The following SOX10 variants were observed in gnomAD, a reference collection of about 807,000 sequenced individuals.
SOX10 encodes transcription factor SOX-10.
SOX10 carries 3 observed loss-of-function variants against 35.0 expected under a neutral mutation model. That is an observed-to-expected ratio of 0.09 (90% CI 0.04 to 0.22). The LOEUF (loss-of-function observed/expected upper bound fraction) is 0.22, where lower values mean the gene tolerates loss of function less well. SOX10 is among the 10% of genes least tolerant of loss of function. SOX10 has a pLI of 1.00. For synonymous variants in SOX10, 285 were observed against 291.0 expected (o/e 0.98, Z 0.21); for missense variants, 436 against 655.1 (o/e 0.67, Z 3.65).
intron 2 of SOX10, among the ~76,000 whole-genome samples, chr22:37,981,460 G>A (rs1039690668): frequency 6.6e-6 from 1 of 152,236 alleles, no homozygotes; most frequent in African/African-American, 2.4e-5. Context: ...TGTGCACACA[G>A]CTTGAGTGAT....
In SOX10 at chr22:37,974,224, A is replaced by C; in HGVS notation, c.698-26T>G. 1 of 1,570,510 alleles carries C rather than the reference A, an allele frequency of 6.4e-7. No homozygotes were observed. Among genetic ancestry groups the C allele is most frequent in the Non-Finnish European group, 8.7e-7 (1 of 1,156,044 alleles). ...CTGGGTAGAAGGGAGACAGAGAGAG[A>C]GAGCGCAAGGGGGAAGCAGGTTAGA... On this transcript the variant is annotated intron_variant, in intron 3 of 3. Coordinates refer to ENST00000396884, the MANE Select transcript of SOX10 (RefSeq NM_006941.4). This position sits in a 1 kb window ranked among gnomAD's most constrained non-coding sequence, Gnocchi z 5.4.
chr22:37,979,902 C>T (rs1932343053), intron 2 of SOX10, among the ~76,000 whole-genome samples: 1 of 152,072 alleles, frequency 6.6e-6, no homozygotes, highest in African/African-American at 2.4e-5. Flanking sequence ...TTCAGCTGCC[C>T]CACCCCTCAC....
intron 2 of SOX10, among the ~76,000 whole-genome samples, chr22:37,981,557 T>G (rs1932396433): frequency 6.6e-6 from 1 of 152,058 alleles, no homozygotes; most frequent in Non-Finnish European, 1.5e-5. Context: ...GAGGAGCCAA[T>G]CTTAAACCCT....
rs774429621 is a variant in SOX10 at position 37,973,906 on chromosome 22, G to A, written c.990C>T (p.His330=). 2.5e-6 allele frequency: 4 copies of A among 1,610,150 alleles called. No individual in the cohort carries two copies. The highest frequency in any genetic ancestry group is 1.7e-5 in the Admixed American group (1 of 59,992). Reference sequence around the variant, plus strand: ...CTGGTGGCTTGGAGATCCAGGCGGAGTGTCCACTGGCCACGGCCAGGGCAC... The same window carrying A: ...CTGGTGGCTTGGAGATCCAGGCGGAATGTCCACTGGCCACGGCCAGGGCAC... ...LGSALAVASG[H]SAWISKPPGV... Residue 330 remains histidine, a synonymous_variant, in exon 4 of 4, where the codon CAC becomes CAT. Coordinates refer to ENST00000396884, the MANE Select transcript of SOX10 (RefSeq NM_006941.4).
At position 37,972,407 on chromosome 22, in the gene SOX10, GGA is replaced by G. The variant is rs577740783; in HGVS notation, c.*1086_*1087del. On this transcript the variant is annotated 3_prime_UTR_variant, in exon 4 of 4. Coordinates refer to ENST00000396884, the MANE Select transcript of SOX10 (RefSeq NM_006941.4). ...GAGGGGACTACTGAGATAAATAACA[GGA>G]GACAGTAATGAGTTACATGTGGATT... The G allele has an allele frequency of 1.1e-4, 42 of 390,584 alleles. 1 individual carries two copies. The East Asian group carries it at 3.0e-3, about 28-fold the overall frequency. The allele number at this position is 390,584 out of a possible 1,614,324, so 24.2% of individuals were successfully genotyped here.
At position 37,972,325 on chromosome 22, in the gene SOX10, T is replaced by C; in HGVS notation, c.*1170A>G. 1.0e-6 allele frequency: 1 copy of C among 957,646 alleles called. No individual in the cohort carries two copies. The highest frequency in any genetic ancestry group is 1.5e-6 in the Non-Finnish European group (1 of 673,026). The allele number at this position is 957,646 out of a possible 1,614,324, so 59.3% of individuals were successfully genotyped here. Reference sequence around the variant, plus strand: ...TCACCAAGCAGGTAACCGGAACCTTTAATTTTATTATGTGGAATGCTTAAT... The same window carrying C: ...TCACCAAGCAGGTAACCGGAACCTTCAATTTTATTATGTGGAATGCTTAAT... On this transcript the variant is annotated 3_prime_UTR_variant, in exon 4 of 4. Coordinates refer to ENST00000396884, the MANE Select transcript of SOX10 (RefSeq NM_006941.4).
chr22:37,973,728 A>G lies in SOX10; in HGVS notation c.1168T>C (p.Ser390Pro). The change falls in exon 4 of 4, where the codon TCA (serine) becomes CCA (proline). Residue 390 changes from serine (S) to proline (P), a missense_variant. By Grantham distance (74) the Ser-to-Pro change is moderately conservative. Around this residue, in one of 3 missense-constraint regions of SOX10, gnomAD observed 285 missense variants for 402.9 expected, o/e 0.71. Coordinates refer to ENST00000396884, the MANE Select transcript of SOX10 (RefSeq NM_006941.4). Reference sequence around the variant, plus strand: ...GGGCGGGAGATGGAGGGGAAGGCTGAGCCATAGTGGGGCAGGCTGAGGGAG... The same window carrying G: ...GGGCGGGAGATGGAGGGGAAGGCTGGGCCATAGTGGGGCAGGCTGAGGGAG... ...YTSLSLPHYGSAFPSISRPQF... is the reference protein window; with the variant it reads ...YTSLSLPHYGPAFPSISRPQF... 6.2e-7 allele frequency: 1 copy of G among 1,604,338 alleles called. No individual in the cohort carries two copies. The highest frequency in any genetic ancestry group is 8.5e-7 in the Non-Finnish European group (1 of 1,173,072).
At chr22:37,981,177 A>G (rs1932384761) in intron 2 of SOX10, among the ~76,000 whole-genome samples, 1 of 152,122 alleles carries the variant, frequency 6.6e-6, no homozygotes, top group Non-Finnish European at 1.5e-5. Flanking sequence ...GTTTTAAGAC[A>G]CCTGTTTTCC....
Position 37,977,897 on chromosome 22 carries a change from T to C in SOX10, c.667A>G (p.Met223Val), listed in dbSNP as rs777946884. ...GGGTGCTCGGGGTTCCCATCTGACA[T>C]GGGGGAGCCCTCTCCTGGGTGCCGG... ...DHRHPGEGSP[M>V]SDGNPEHPSG... The change falls in exon 3 of 4, where the codon ATG (methionine) becomes GTG (valine). Residue 223 changes from methionine (M) to valine (V), a missense_variant. Met to Val is a conservative substitution (Grantham distance 21). This residue lies in a region of SOX10 where 285 missense variants were observed against 402.9 expected (regional missense o/e 0.71). Transcript: ENST00000396884. 3.1e-6 allele frequency: 5 copies of C among 1,612,582 alleles called. No homozygotes were observed. Among genetic ancestry groups the C allele is most frequent in the Admixed American group, 3.3e-5 (2 of 59,996 alleles).
chr22:37,973,675 G>C lies in SOX10; in HGVS notation c.1221C>G (p.Pro407=). The change falls in exon 4 of 4, where the codon CCC becomes CCG. Residue 407 remains proline (P), a synonymous_variant. Transcript: ENST00000396884. The part of the protein sequence containing the change: ...RPQFDYSDHQ[P]SGPYYGHSGQ... The stretch of plus-strand genomic sequence containing the variant: ...CCGAGTGGCCATAATAGGGTCCTGA[G>C]GGCTGATGGTCAGAGTAGTCAAACT... 1 of 1,613,130 alleles carries C rather than the reference G, an allele frequency of 6.2e-7. No individual in the cohort carries two copies.
intron 3 of SOX10, among the ~76,000 whole-genome samples, chr22:37,976,790 G>T (rs952048373): frequency 1.3e-5 from 2 of 152,212 alleles, no homozygotes; most frequent in African/African-American, 4.8e-5. Context: ...GCCTGGAACA[G>T]AGTAGCTGCT....
chr22:37,982,629 G>C (rs530949503), intron 2 of SOX10, among the ~76,000 whole-genome samples: 7 of 152,188 alleles, frequency 4.6e-5, no homozygotes, highest in Admixed American at 1.3e-4. Context: ...GTTGCTCAAC[G>C]TTGGGGTGGG....
Position 37,976,041 on chromosome 22 carries a change from G to A in SOX10, c.697+1826C>T, listed in dbSNP as rs143149051. 4.1e-3 allele frequency among the ~76,000 whole-genome samples: 627 copies of A among 152,114 alleles called. 6 individuals carry two copies. The highest frequency in any genetic ancestry group is 0.015 in the African/African-American group (607 of 41,462). Reference sequence around the variant, plus strand: ...AATTCGAGACCAGCCTGGCCAACACGGTGAAAAACCATCTCTACTAAAAAT... The same window carrying A: ...AATTCGAGACCAGCCTGGCCAACACAGTGAAAAACCATCTCTACTAAAAAT... On this transcript the variant is annotated intron_variant, in intron 3 of 3. Coordinates refer to ENST00000396884, the MANE Select transcript of SOX10 (RefSeq NM_006941.4).
Position 37,974,838 on chromosome 22 carries a change from C to T in SOX10, c.698-640G>A, listed in dbSNP as rs1039341022. 3.9e-5 allele frequency among the ~76,000 whole-genome samples: 6 copies of T among 152,214 alleles called. No homozygotes were observed. Among genetic ancestry groups the T allele is most frequent in the Non-Finnish European group, 7.3e-5 (5 of 68,040 alleles). On this transcript the variant is annotated intron_variant, in intron 3 of 3. Transcript: ENST00000396884. This position sits in a 1 kb window ranked among gnomAD's most constrained non-coding sequence, Gnocchi z 5.4. ...CCCAGCCTTTGCGCTCTGCCAGCCC[C>T]GCTTCCACACCCATGCCTACTGTCT...
intron 2 of SOX10, among the ~76,000 whole-genome samples, chr22:37,982,468 G>A (rs1932429618): frequency 6.6e-6 from 1 of 152,196 alleles, no homozygotes; most frequent in Admixed American, 6.5e-5. Context: ...AGTCGAGGGT[G>A]GGATAATTGC....
Position 37,978,255 on chromosome 22 carries a change from C to T in SOX10, c.429-120G>A. ...AGATGTGAGGCCCTGGGATGGGGCACCCAGAGGACAGGACCCGGGGTGGGG... is the reference window on the plus strand; with the variant it reads ...AGATGTGAGGCCCTGGGATGGGGCATCCAGAGGACAGGACCCGGGGTGGGG... On this transcript the variant is annotated intron_variant, in intron 2 of 3. Coordinates refer to ENST00000396884, the MANE Select transcript of SOX10 (RefSeq NM_006941.4). This position sits in a 1 kb window ranked among gnomAD's most constrained non-coding sequence, Gnocchi z 5.0. The T allele has an allele frequency of 8.9e-7, 1 of 1,123,580 alleles. No homozygotes were observed. Among genetic ancestry groups the T allele is most frequent in the South Asian group, 1.7e-5 (1 of 59,784 alleles). The allele number at this position is 1,123,580 out of a possible 1,614,324, so 69.6% of individuals were successfully genotyped here.
Position 37,977,967 on chromosome 22 carries a change from C to A in SOX10, c.597G>T (p.Gly199=). 1 of 1,612,114 alleles carries A rather than the reference C, an allele frequency of 6.2e-7. No individual in the cohort carries two copies. Among genetic ancestry groups the A allele is most frequent in the Non-Finnish European group, 8.5e-7 (1 of 1,179,884 alleles). Residue 199 remains glycine (G), a synonymous_variant, in exon 3 of 4, where the codon GGG becomes GGT. Coordinates refer to ENST00000396884, the MANE Select transcript of SOX10 (RefSeq NM_006941.4). ...TGTAGTGGGCCTGGATGGCGGCGGT[C>A]CCACCTTGCTCGGCCTCCCCACCGG... The part of the protein sequence containing the change: ...ECPGGEAEQG[G]TAAIQAHYKS...
At chr22:37,975,319 G>A (rs1466752641) in intron 3 of SOX10, among the ~76,000 whole-genome samples, 1 of 152,206 alleles carries the variant, frequency 6.6e-6, no homozygotes, top group Non-Finnish European at 1.5e-5. Context: ...GGACTTGGGA[G>A]ACCAGAGGAG....
In SOX10 at chr22:37,973,414, C is replaced by T; in HGVS notation, c.*81G>A. 2 of 941,990 alleles carry T rather than the reference C, an allele frequency of 2.1e-6. No homozygotes were observed. The highest frequency in any genetic ancestry group is 1.6e-6 in the Non-Finnish European group (1 of 639,644). The allele number at this position is 941,990 out of a possible 1,614,324, so 58.4% of individuals were successfully genotyped here. On this transcript the variant is annotated 3_prime_UTR_variant, in exon 4 of 4. Transcript: ENST00000396884. ...TCCTCAGCCTCCTCCACTGCCACCA[C>T]CAGGCCTGAGGTGGGCAAGGAACAG... is the stretch of plus-strand genomic sequence containing the variant.
Sources: gnomAD v4.1 joint callset for allele counts (sites outside exome capture counted in the v4.1 genomes callset) on GRCh38, gnomAD v4.1.1 for gene constraint, gnomAD v4.1.1 regional missense constraint, Gnocchi (gnomAD v3.1) non-coding constraint, MANE v1.5 for transcripts, NCBI Gene and HGNC (gene_info 2026-07-23, HGNC 2026-07-21) for gene names.